The following ANKRD28 variants were observed in gnomAD, a reference collection of about 807,000 sequenced individuals.
ANKRD28 encodes ankyrin repeat domain 28, also known as serine/threonine-protein phosphatase 6 regulatory ankyrin repeat subunit A.
Under a neutral mutation model 126.5 loss-of-function variants are expected in ANKRD28, and 44 were observed. The ratio of observed to expected loss-of-function variants is 0.35; its 90% CI spans 0.27 to 0.45. The LOEUF is 0.45. Among genes scored for constraint, ANKRD28 ranks in the 20% least tolerant of loss-of-function variants. The pLI, the probability that ANKRD28 is intolerant of heterozygous loss-of-function variation, is 1.00. For synonymous variants in ANKRD28, 442 were observed against 468.5 expected (o/e 0.94, Z 0.73); for missense variants, 1,110 against 1,316.6 (o/e 0.84, Z 2.43).
intron 3 of ANKRD28, among the ~76,000 whole-genome samples, chr3:15,764,120 G>C (rs1001533483): frequency 7.2e-5 from 11 of 152,160 alleles, no homozygotes; most frequent in Non-Finnish European, 1.6e-4. Flanking sequence ...AGCTACTCGG[G>C]AGGCTGAGGC....
At chr3:15,783,227 A>G (rs1300151365) in intron 2 of ANKRD28, among the ~76,000 whole-genome samples, 1 of 152,048 alleles carries the variant, frequency 6.6e-6, no homozygotes. Flanking sequence ...TCCAATTAAA[A>G]AAACTCACAA....
chr3:15,792,508 G>C (rs1449984957), intron 2 of ANKRD28, among the ~76,000 whole-genome samples: 2 of 152,052 alleles, frequency 1.3e-5, no homozygotes, highest in African/African-American at 2.4e-5. Context: ...TGTGGGATCT[G>C]AACATCAAAT....
At chr3:15,787,727 G>A (rs1383015964) in intron 2 of ANKRD28, among the ~76,000 whole-genome samples, 3 of 152,146 alleles carry the variant, frequency 2.0e-5, no homozygotes, top group Non-Finnish European at 4.4e-5. Context: ...GTCAGCAGAA[G>A]CAACATGTGG....
At chr3:15,792,257 G>T (rs1051467818) in intron 2 of ANKRD28, among the ~76,000 whole-genome samples, 2 of 152,130 alleles carry the variant, frequency 1.3e-5, no homozygotes, top group Non-Finnish European at 2.9e-5. Context: ...GTATCGAAGA[G>T]ATCTGCACTC....
chr3:15,796,049 G>A (rs1168940580), intron 1 of ANKRD28, among the ~76,000 whole-genome samples: 1 of 152,040 alleles, frequency 6.6e-6, no homozygotes, highest in African/African-American at 2.4e-5. Flanking sequence ...TGTTGCTGGG[G>A]GTAGTCAACC....
At chr3:15,748,735 G>C (rs78530377) in intron 4 of ANKRD28, among the ~76,000 whole-genome samples, 1 of 152,142 alleles carries the variant, frequency 6.6e-6, no homozygotes, top group East Asian at 1.9e-4. Flanking sequence ...TGGATGTCCA[G>C]ATCTCTTGCA....
rs1227294372 is a variant in ANKRD28, at chr3:15,830,083, A to C, written c.27+29294T>G. On this transcript the variant is annotated intron_variant, in intron 1 of 27. Transcript: ENST00000399451. The surrounding 1 kb of genome is among the most constrained non-coding windows in gnomAD (Gnocchi z 4.5). ...ATACTTAAAAACAATCTTAAGGGAA[A>C]TAGGCTTTTCCCTCCCCTTAACTGT... 6.6e-6 allele frequency among the ~76,000 whole-genome samples: 1 copy of C among 152,202 alleles called. No individual in the cohort carries two copies. Among genetic ancestry groups the C allele is most frequent in the African/African-American group, 2.4e-5 (1 of 41,450 alleles).
intron 1 of ANKRD28, among the ~76,000 whole-genome samples, chr3:15,811,573 G>C (rs754638514): frequency 6.6e-6 from 1 of 151,986 alleles, no homozygotes; most frequent in Non-Finnish European, 1.5e-5. Flanking sequence ...TCCTGCCTCA[G>C]CCTCCAGAGG....
chr3:15,807,475 A>G (rs760776718), intron 1 of ANKRD28, among the ~76,000 whole-genome samples: 2 of 152,240 alleles, frequency 1.3e-5, no homozygotes, highest in South Asian at 2.1e-4. Flanking sequence ...AATGTCAAAC[A>G]TAAGAAAACA....
At chr3:15,757,886 T>C (rs995676877) in intron 3 of ANKRD28, among the ~76,000 whole-genome samples, 1 of 152,214 alleles carries the variant, frequency 6.6e-6, no homozygotes, top group Non-Finnish European at 1.5e-5. Flanking sequence ...TGTAAAGTTT[T>C]ACTGGAACAG....
rs775283221 is a variant in ANKRD28 at position 15,720,991 on chromosome 3, T to C, written c.920A>G (p.His307Arg). ...TCCATGTGTTGATGCAGCAGCAAAG[T>C]GCAAAGGAGTAAATCCTTTTTCATT... ...QKNEKGFTPL[H>R]FAAASTHGAL... Residue 307 changes from histidine to arginine, a missense_variant, in exon 8 of 28, where the codon CAC (histidine) becomes CGC (arginine). His to Arg is a conservative substitution (Grantham distance 29). Transcript: ENST00000683139. 1 of 1,613,924 alleles carries C rather than the reference T, an allele frequency of 6.2e-7. No homozygotes were observed.
At chr3:15,775,275 A>G (rs1388715198) in intron 2 of ANKRD28, among the ~76,000 whole-genome samples, 1 of 152,240 alleles carries the variant, frequency 6.6e-6, no homozygotes, top group Non-Finnish European at 1.5e-5. Context: ...AGCAAGCTAA[A>G]ATAACAACAT....
exon 1 of ANKRD28, chr3:15,859,576 G>T: frequency 4.0e-6 from 1 of 252,016 alleles, no homozygotes; most frequent in Non-Finnish European, 6.1e-6. Context: ...CGCCTCCCCG[G>T]CCGCCCGCCG....
chr3:15,714,568 T>C lies in ANKRD28; in HGVS notation c.1075+10A>G, dbSNP rs748055908. 1 of 1,379,124 alleles carries C rather than the reference T, an allele frequency of 7.3e-7. No homozygotes were observed. The highest frequency in any genetic ancestry group is 1.4e-5 in the South Asian group (1 of 70,768). 85.4% of individuals were successfully genotyped at this position (1,379,124 alleles called of 1,614,324 possible). ...AAAAACCCCAAAAAAAAAACAGAAA[T>C]ACTTTTTACCACTCTGGATAATGGT... is the stretch of plus-strand genomic sequence containing the variant. On this transcript the variant is annotated intron_variant, in intron 9 of 27. Coordinates refer to ENST00000683139, the MANE Select transcript of ANKRD28 (RefSeq NM_001349278.2).
chr3:15,792,022 A>G (rs908032772), intron 2 of ANKRD28, among the ~76,000 whole-genome samples: 2 of 152,210 alleles, frequency 1.3e-5, no homozygotes, highest in African/African-American at 4.8e-5. Context: ...CCAAAACTCA[A>G]TGAGATATCA....
At position 15,839,344 on chromosome 3, in the gene ANKRD28, T is replaced by C. The variant is rs879914161; in HGVS notation, c.27+20033A>G. Among the ~76,000 whole-genome samples, 1 of 151,622 alleles carries C rather than the reference T, an allele frequency of 6.6e-6. No homozygotes were observed. The highest frequency in any genetic ancestry group is 1.5e-5 in the Non-Finnish European group (1 of 67,940). On this transcript the variant is annotated intron_variant, in intron 1 of 27. Coordinates refer to the ANKRD28 transcript ENST00000399451. The surrounding 1 kb of genome is among the most constrained non-coding windows in gnomAD (Gnocchi z 4.3). ...TCCAACTTAAAAGGCTGATCAGCTG[T>C]TCAGGACCTTAGCTGTAGAAGACAT...
chr3:15,727,852 G>A (rs925206837), intron 6 of ANKRD28, among the ~76,000 whole-genome samples: 4 of 152,140 alleles, frequency 2.6e-5, no homozygotes, highest in Non-Finnish European at 4.4e-5. Flanking sequence ...TAAAGACAGT[G>A]GTTTTGTGAG....
chr3:15,785,661 C>T (rs1200934929), intron 2 of ANKRD28, among the ~76,000 whole-genome samples: 1 of 151,994 alleles, frequency 6.6e-6, no homozygotes, highest in African/African-American at 2.4e-5. Flanking sequence ...TTTAACAAAA[C>T]TAAACATACT....
chr3:15,762,224 A>AAAAAAAAAAAAAAAC (rs2058521761), intron 3 of ANKRD28, among the ~76,000 whole-genome samples: 6 of 107,648 alleles, frequency 5.6e-5, no homozygotes, highest in African/African-American at 2.0e-4. Flanking sequence ...CAAAACAAAA[A>AAAAAAAAAAAAAAAC]AAAAAAAACT....
Sources: allele counts gnomAD v4.1 joint callset (sites outside exome capture counted in the v4.1 genomes callset), GRCh38; gene constraint gnomAD v4.1.1; non-coding constraint Gnocchi (gnomAD v3.1); transcripts MANE v1.5; gene names NCBI Gene and HGNC (gene_info 2026-07-23, HGNC 2026-07-21).